The following PLXNC1 variants were observed in gnomAD, a reference collection of about 807,000 sequenced individuals.
PLXNC1 encodes plexin C1, also known as plexin-C1.
Under a neutral mutation model 178.2 loss-of-function variants are expected in PLXNC1, and 75 were observed. That is an observed-to-expected ratio of 0.42 (90% CI 0.35 to 0.51). The LOEUF is 0.51. PLXNC1 is among the 20% of genes least tolerant of loss of function. PLXNC1 has a pLI of 0.02. For missense variants in PLXNC1, 1,503 were observed against 1,984.4 expected (o/e 0.76, Z 4.61); for synonymous variants, 790 against 779.9 (o/e 1.01, Z -0.22).
chr12:94,211,698 A>G (rs1410806420), intron 5 of PLXNC1, among the ~76,000 whole-genome samples: 2 of 152,366 alleles, frequency 1.3e-5, no homozygotes, highest in African/African-American at 4.8e-5. Context: ...CATACTCACT[A>G]TGGGATCAGC....
chr12:94,254,607 A>G lies in PLXNC1; in HGVS notation c.2882-180A>G. The G allele has an allele frequency of 1.6e-5, 11 of 700,728 alleles. No individual in the cohort carries two copies. In the South Asian group the frequency reaches 1.7e-4, roughly 11 times the overall value. The allele number at this position is 700,728 out of a possible 1,614,324, so 43.4% of individuals were successfully genotyped here. A position where few individuals can be genotyped will look rare whatever the true frequency, so the allele number is the denominator to read the frequency against. ...TCTTCAGAGTGACCCCTCACTGGGA[A>G]ATTTTCTTATAAGATCCAGCTTTTT... On this transcript the variant is annotated intron_variant, in intron 15 of 30. Coordinates refer to ENST00000258526, the MANE Select transcript of PLXNC1 (RefSeq NM_005761.3).
At chr12:94,184,231 T>C (rs1195948572) in intron 3 of PLXNC1, among the ~76,000 whole-genome samples, 1 of 151,264 alleles carries the variant, frequency 6.6e-6, no homozygotes, top group Non-Finnish European at 1.5e-5. Flanking sequence ...AGTTCTCCTG[T>C]CTCAGCCTCC....
At chr12:94,177,189 A>ATG (rs1962109178) in intron 2 of PLXNC1, among the ~76,000 whole-genome samples, 1 of 8,472 alleles carries the variant, frequency 1.2e-4, no homozygotes, top group South Asian at 6.2e-3. Flanking sequence ...ATATATATGT[A>ATG]TATATATATA....
At chr12:94,249,908 A>C (rs559456035) in intron 14 of PLXNC1, among the ~76,000 whole-genome samples, 4 of 108,896 alleles carry the variant, frequency 3.7e-5, no homozygotes, top group African/African-American at 1.4e-4. Context: ...GGCAGTTGCT[A>C]TGGAGAAAAA....
intron 28 of PLXNC1, among the ~76,000 whole-genome samples, chr12:94,302,944 A>G (rs1968614823): frequency 6.6e-6 from 1 of 152,184 alleles, no homozygotes; most frequent in Non-Finnish European, 1.5e-5. Flanking sequence ...GACAAATGAG[A>G]AAATCTCAAT....
At position 94,293,524 on chromosome 12, in the gene PLXNC1, C is replaced by T. The variant is rs544350148; in HGVS notation, c.3880-962C>T. Among the ~76,000 whole-genome samples the T allele has an allele frequency of 3.9e-5, 6 of 152,336 alleles. No individual in the cohort carries two copies. In the East Asian group the frequency reaches 9.7e-4, roughly 25 times the overall value. Reference sequence around the variant, plus strand: ...CTGTCTGGGCAAAGTACTAGTAGCTCGGTGAGGACCCTCCTCCTGGTTTGC... The same window carrying T: ...CTGTCTGGGCAAAGTACTAGTAGCTTGGTGAGGACCCTCCTCCTGGTTTGC... On this transcript the variant is annotated intron_variant, in intron 23 of 30. Coordinates refer to ENST00000258526, the MANE Select transcript of PLXNC1 (RefSeq NM_005761.3).
intron 14 of PLXNC1, among the ~76,000 whole-genome samples, 173 bp downstream of exon 14, chr12:94,248,585 C>T (rs73368535): frequency 0.069 from 10,529 of 152,258 alleles, 1,181 homozygotes; most frequent in African/African-American, 0.24. Flanking sequence ...AAATAGCTGG[C>T]TGAATCCATC....
At chr12:94,226,293 G>A (rs577654292) in intron 7 of PLXNC1, among the ~76,000 whole-genome samples, 1 of 152,142 alleles carries the variant, frequency 6.6e-6, no homozygotes, top group Non-Finnish European at 1.5e-5. Context: ...CATCTCCAGA[G>A]GGACTTACCT....
intron 21 of PLXNC1, 71 bp downstream of exon 21, chr12:94,265,296 T>A: frequency 2.2e-6 from 3 of 1,374,242 alleles, no homozygotes; most frequent in Non-Finnish European, 3.0e-6. Context: ...GTGAGGTGGG[T>A]CATTTACAAT....
At position 94,152,670 on chromosome 12, in the gene PLXNC1, G is replaced by A. The variant is rs150844277; in HGVS notation, c.1062+2637G>A. 4.1e-3 allele frequency among the ~76,000 whole-genome samples: 628 copies of A among 152,328 alleles called. 5 individuals carry two copies. The highest frequency in any genetic ancestry group is 6.2e-3 in the Non-Finnish European group (419 of 68,030). On this transcript the variant is annotated intron_variant, in intron 1 of 30. Transcript: ENST00000258526. ...TAGAGCAGACACAGTAATTTTAACA[G>A]TAATCCACAGGCTGCAAGGCACAAG...
intron 7 of PLXNC1, among the ~76,000 whole-genome samples, chr12:94,225,906 T>G (rs762269293): frequency 9.2e-5 from 14 of 152,220 alleles, no homozygotes; most frequent in Non-Finnish European, 2.1e-4. Flanking sequence ...TGTTTCCTCA[T>G]TTCTTGGAGA....
chr12:94,212,247 C>A (rs1963493975), intron 5 of PLXNC1, among the ~76,000 whole-genome samples: 1 of 137,574 alleles, frequency 7.3e-6, no homozygotes, highest in African/African-American at 2.8e-5. Context: ...GCTCTCCAGC[C>A]TGGGCGACAG....
At chr12:94,174,636 T>C (rs756813608) in intron 2 of PLXNC1, among the ~76,000 whole-genome samples, 1 of 152,208 alleles carries the variant, frequency 6.6e-6, no homozygotes, top group African/African-American at 2.4e-5. Context: ...GAAAAAAATC[T>C]TTTGTAAAGG....
chr12:94,179,740 CAAA>C (rs63329860), intron 2 of PLXNC1, among the ~76,000 whole-genome samples: 6 of 80,294 alleles, frequency 7.5e-5, no homozygotes, highest in African/African-American at 1.4e-4. Context: ...GACTCCATCT[CAAA>C]AAAAAAAAAA....
chr12:94,209,555 T>C (rs1361267086), intron 4 of PLXNC1, 35 bp from the exon 5 acceptor site: 1 of 1,237,408 alleles, frequency 8.1e-7, no homozygotes, highest in East Asian at 2.3e-5. Flanking sequence ...CTAACACACG[T>C]ATGGGGTCGC....
chr12:94,215,965 A>T (rs1034346787), intron 5 of PLXNC1, among the ~76,000 whole-genome samples: 5 of 152,136 alleles, frequency 3.3e-5, no homozygotes, highest in African/African-American at 1.2e-4. Flanking sequence ...TTCCTTTTAC[A>T]AAAAATAAGA....
At chr12:94,179,842 C>G (rs1962242754) in intron 2 of PLXNC1, among the ~76,000 whole-genome samples, 1 of 151,670 alleles carries the variant, frequency 6.6e-6, no homozygotes, top group South Asian at 2.1e-4. Flanking sequence ...TGCTAAGCAT[C>G]TTTCATAGTT....
rs988168846 is a variant in PLXNC1 at position 94,212,377 on chromosome 12, C to A, written c.1554+2673C>A. ...TTCTAGGGTACATGTGCACAACGTGCAGTTTTGTTACATAGGTATACATGT... is the reference window on the plus strand; with the variant it reads ...TTCTAGGGTACATGTGCACAACGTGAAGTTTTGTTACATAGGTATACATGT... On this transcript the variant is annotated intron_variant, in intron 5 of 30. Coordinates refer to ENST00000258526, the MANE Select transcript of PLXNC1 (RefSeq NM_005761.3). Among the ~76,000 whole-genome samples, 43 of 151,382 alleles carry A rather than the reference C, an allele frequency of 2.8e-4. 2 individuals are homozygous for A.
At chr12:94,254,289 G>T (rs865986201) in intron 15 of PLXNC1, among the ~76,000 whole-genome samples, 1 of 152,054 alleles carries the variant, frequency 6.6e-6, no homozygotes, top group Non-Finnish European at 1.5e-5. Flanking sequence ...CTTGTGGCTC[G>T]CTCATCATGT....
Sources: allele counts gnomAD v4.1 joint callset (sites outside exome capture counted in the v4.1 genomes callset), GRCh38; gene constraint gnomAD v4.1.1; transcripts MANE v1.5; gene names NCBI Gene and HGNC (gene_info 2026-07-23, HGNC 2026-07-21).